Variants in RC3H2 observed in about 807,000 individuals in gnomAD.
The protein encoded by RC3H2 is ring finger and CCCH-type domains 2, also known as roquin-2.
A neutral mutation model predicts 133.3 loss-of-function variants in RC3H2; 31 were observed. The observed-to-expected ratio is 0.23, with a 90% CI of 0.17 to 0.31. The LOEUF (loss-of-function observed/expected upper bound fraction) is 0.31, where lower values mean the gene tolerates loss of function less well. Among genes scored for constraint, RC3H2 ranks in the 10% least tolerant of loss-of-function variants. The probability of loss-of-function intolerance (pLI) is 1.00; values close to 1 mark genes in which losing one functional copy is unlikely to be tolerated. For missense variants in RC3H2, 1,175 were observed against 1,437.2 expected (o/e 0.82, Z 2.95); for synonymous variants, 517 against 502.2 (o/e 1.03, Z -0.40).
chr9:122,853,393 A>AG (rs1554767390), intron 18 of RC3H2, among the ~76,000 whole-genome samples: 250 of 151,388 alleles, frequency 1.7e-3, no homozygotes, highest in African/African-American at 5.4e-3. Flanking sequence ...AAAAAAAAAA[A>AG]AAAAGAAAAA....
At chr9:122,887,273 G>T (rs1486996778) in intron 4 of RC3H2, among the ~76,000 whole-genome samples, 1 of 152,028 alleles carries the variant, frequency 6.6e-6, no homozygotes, top group Non-Finnish European at 1.5e-5. Flanking sequence ...CCCTGAAATT[G>T]TTTGTACATA....
In RC3H2 at chr9:122,880,673, C is replaced by A; in HGVS notation, c.881G>T (p.Arg294Leu). The A allele has an allele frequency of 6.2e-7, 1 of 1,614,084 alleles. No individual in the cohort carries two copies. The highest frequency in any genetic ancestry group is 8.5e-7 in the Non-Finnish European group (1 of 1,179,962). Reference protein sequence around the residue: ...IVHIAMEAGLRISPEQWSSLL... With the variant: ...IVHIAMEAGLLISPEQWSSLL... The stretch of plus-strand genomic sequence containing the variant: ...AGAGGACCACTGTTCAGGTGAAATA[C>A]GGAGTCCTGCTTCCATGGCAATATG... Residue 294 changes from arginine (R) to leucine (L), a missense_variant, in exon 6 of 21, where the codon CGT becomes CTT. Arg to Leu is a moderately radical substitution (Grantham distance 102, BLOSUM62 -2). This residue lies in a region of RC3H2 where 121 missense variants were observed against 243.5 expected (regional missense o/e 0.50). Transcript: ENST00000357244.
intron 9 of RC3H2, chr9:122,875,253 C>G: frequency 6.4e-7 from 1 of 1,551,128 alleles, no homozygotes; most frequent in Non-Finnish European, 8.7e-7. Context: ...ACTGCACACA[C>G]ACTTATCTTC....
Position 122,844,871 on chromosome 9 carries a change from T to A in RC3H2, c.*4756A>T, listed in dbSNP as rs1829836058. On this transcript the variant is annotated 3_prime_UTR_variant, in exon 21 of 21. Coordinates refer to ENST00000357244, the MANE Select transcript of RC3H2 (RefSeq NM_001100588.3). ...AACATTACAATTTGGAAATTCAAATTGAAATAAATGGAATAGAATTTATTC... is the reference window on the plus strand; with the variant it reads ...AACATTACAATTTGGAAATTCAAATAGAAATAAATGGAATAGAATTTATTC... The A allele has an allele frequency of 6.6e-6, 1 of 152,224 alleles. No homozygotes were observed. Among genetic ancestry groups the A allele is most frequent in the East Asian group, 1.9e-4 (1 of 5,206 alleles). 9.4% of individuals were successfully genotyped at this position (152,224 alleles called of 1,614,324 possible).
intron 4 of RC3H2, among the ~76,000 whole-genome samples, chr9:122,887,204 TG>T (rs1831954206): frequency 6.6e-6 from 1 of 152,204 alleles, no homozygotes; most frequent in East Asian, 1.9e-4. Context: ...ATTTTCTAAA[TG>T]TATTATTAGT....
chr9:122,854,489 G>A (rs757485094), intron 16 of RC3H2, 42 bp downstream of exon 16: 5 of 1,456,468 alleles, frequency 3.4e-6, no homozygotes, highest in Non-Finnish European at 4.8e-6. Context: ...ATACATACAA[G>A]TCTGAGAATG....
In RC3H2 at chr9:122,848,438, T is replaced by C. The variant is rs150573726; in HGVS notation, c.*1189A>G. The C allele has an allele frequency of 1.8e-4, 28 of 152,278 alleles. No homozygotes were observed. In the East Asian group the frequency reaches 2.5e-3, roughly 14 times the overall value. The allele number at this position is 152,278 out of a possible 1,614,324, so 9.4% of individuals were successfully genotyped here. On this transcript the variant is annotated 3_prime_UTR_variant, in exon 21 of 21. Transcript: ENST00000357244. ...GTTGAACACATTGTATACTTTCAGA[T>C]GCCAAGTCAAAACCATTTCAGTCAC...
intron 13 of RC3H2, 133 bp from the exon 14 acceptor site, chr9:122,856,011 T>TA (rs1296027071): frequency 1.6e-6 from 1 of 628,174 alleles, no homozygotes; most frequent in East Asian, 2.9e-5. Context: ...ATAACTAATA[T>TA]AAAAAACTGT....
chr9:122,875,013 G>T (rs1472399855), intron 9 of RC3H2: 1 of 743,392 alleles, frequency 1.3e-6, no homozygotes, highest in Non-Finnish European at 2.0e-6. Flanking sequence ...TTTTTTAGTC[G>T]AACTTTCTCA....
chr9:122,867,881 CGGGA>C (rs1830787533), intron 9 of RC3H2, among the ~76,000 whole-genome samples: 4 of 66,268 alleles, frequency 6.0e-5, no homozygotes, highest in African/African-American at 2.2e-4. Context: ...CCACCCCGTC[CGGGA>C]GGGAGGTGGG....
intron 9 of RC3H2, among the ~76,000 whole-genome samples, chr9:122,867,084 G>A (rs1234475410): frequency 2.2e-5 from 3 of 136,180 alleles, no homozygotes; most frequent in African/African-American, 8.2e-5. Flanking sequence ...GAGCGTCTCT[G>A]CCCAGCCGCC....
chr9:122,904,279 T>C (rs1260332344), intron 1 of RC3H2, among the ~76,000 whole-genome samples: 1 of 152,224 alleles, frequency 6.6e-6, no homozygotes. Flanking sequence ...TTAGATTTAC[T>C]TTATGCCAGT....
Position 122,858,814 on chromosome 9 carries a change from C to G in RC3H2, c.2138G>C (p.Arg713Thr). The G allele has an allele frequency of 6.2e-7, 1 of 1,614,266 alleles. No individual in the cohort carries two copies. The highest frequency in any genetic ancestry group is 2.2e-5 in the East Asian group (1 of 44,896). ...ATCCATTGGAGGTAAAGAATTGCTT[C>G]TAATAATGTCATCTCGTTGGTACAT... ...PPMYQRDDII[R>T]SNSLPPMDVM... The change falls in exon 12 of 21, where the codon AGA becomes ACA. Residue 713 changes from arginine to threonine, a missense_variant. Around this residue, in one of 8 missense-constraint regions of RC3H2, gnomAD observed 490 missense variants for 492.8 expected, o/e 0.99. Transcript: ENST00000357244.
rs10571749 is a variant in RC3H2, at chr9:122,891,012, A to AT, written c.350-468dup. Among the ~76,000 whole-genome samples the AT allele has an allele frequency of 2.2e-3, 158 of 72,806 alleles. 2 individuals are homozygous for AT. The highest frequency in any genetic ancestry group is 6.2e-3 in the African/African-American group (112 of 18,086). 47.8% of individuals were successfully genotyped at this position (72,806 alleles called of 152,430 possible). The stretch of plus-strand genomic sequence containing the variant: ...CTGCTTCCCCTACCAAATCTGCCCC[A>AT]TTTTTTTTTTTTTTTTTTTTTTTTG... On this transcript the variant is annotated intron_variant, in intron 3 of 20. Transcript: ENST00000357244.
chr9:122,894,125 G>A (rs1832314038), intron 2 of RC3H2, among the ~76,000 whole-genome samples: 1 of 152,040 alleles, frequency 6.6e-6, no homozygotes, highest in African/African-American at 2.4e-5. Flanking sequence ...CGGGCGTGGT[G>A]GCGGGCACCT....
intron 5 of RC3H2, among the ~76,000 whole-genome samples, chr9:122,881,656 C>T (rs1376160241): frequency 1.3e-5 from 2 of 151,962 alleles, no homozygotes; most frequent in African/African-American, 4.8e-5. Context: ...AAACCACTGA[C>T]TTTTTTTGCA....
rs961815375 is a variant in RC3H2 at position 122,846,878 on chromosome 9, C to G, written c.*2749G>C. On this transcript the variant is annotated 3_prime_UTR_variant, in exon 21 of 21. Coordinates refer to ENST00000357244, the MANE Select transcript of RC3H2 (RefSeq NM_001100588.3). ...CCATTCTGAAGAAGGATCAGATGAA[C>G]TGCCCTTTCTTCGAAAGTGGCAGAG... The G allele has an allele frequency of 6.6e-6, 1 of 152,158 alleles. No individual in the cohort carries two copies. The highest frequency in any genetic ancestry group is 1.5e-5 in the Non-Finnish European group (1 of 68,004). 9.4% of individuals were successfully genotyped at this position (152,158 alleles called of 1,614,324 possible).
At chr9:122,867,900 T>G (rs1209088948) in intron 9 of RC3H2, among the ~76,000 whole-genome samples, 9 of 30,390 alleles carry the variant, frequency 3.0e-4, no homozygotes, top group Admixed American at 8.5e-4. Flanking sequence ...GGTGGGGGGG[T>G]CAGCCCCCCG....
At chr9:122,859,141 G>A (rs763851703) in intron 11 of RC3H2, 39 bp from the exon 12 acceptor site, 2 of 1,434,624 alleles carry the variant, frequency 1.4e-6, no homozygotes, top group East Asian at 2.6e-5. Flanking sequence ...TGTAATCTTA[G>A]TACAATCCAA....
Sources: gnomAD v4.1 joint callset for allele counts (sites outside exome capture counted in the v4.1 genomes callset) on GRCh38, gnomAD v4.1.1 for gene constraint, gnomAD v4.1.1 regional missense constraint, MANE v1.5 for transcripts, NCBI Gene and HGNC (gene_info 2026-07-23, HGNC 2026-07-21) for gene names.